Variants in HECW1 observed in about 807,000 individuals in gnomAD.
HECW1 encodes HECT, C2 and WW domain containing E3 ubiquitin protein ligase 1, also known as E3 ubiquitin-protein ligase HECW1.
Under a neutral mutation model 182.3 loss-of-function variants are expected in HECW1, and 61 were observed. The ratio of observed to expected loss-of-function variants is 0.33; its 90% CI spans 0.27 to 0.41. HECW1 has a LOEUF of 0.41. HECW1 is among the 10% of genes least tolerant of loss of function. The pLI, the probability that HECW1 is intolerant of heterozygous loss-of-function variation, is 1.00. For missense variants in HECW1, 1,739 were observed against 2,108.9 expected (o/e 0.82, Z 3.44); for synonymous variants, 859 against 832.6 (o/e 1.03, Z -0.55).
intron 2 of HECW1, among the ~76,000 whole-genome samples, chr7:43,115,164 A>T (rs1251918968): frequency 1.3e-5 from 2 of 152,184 alleles, no homozygotes; most frequent in Non-Finnish European, 2.9e-5. Flanking sequence ...AAGGCAAATA[A>T]TTATAACGTG....
intron 3 of HECW1, among the ~76,000 whole-genome samples, chr7:43,302,276 C>G (rs1806920092): frequency 6.6e-6 from 1 of 152,198 alleles, no homozygotes; most frequent in South Asian, 2.1e-4. Flanking sequence ...AGGCAGCTAA[C>G]TGGCCGCAGG....
chr7:43,314,078 T>C (rs1808883152), intron 4 of HECW1, among the ~76,000 whole-genome samples: 1 of 152,068 alleles, frequency 6.6e-6, no homozygotes, highest in Non-Finnish European at 1.5e-5. Context: ...CCTCCCAAAA[T>C]GCTGAGATTA....
At chr7:43,128,072 GTT>G (rs1311714017) in intron 2 of HECW1, among the ~76,000 whole-genome samples, 1 of 151,652 alleles carries the variant, frequency 6.6e-6, no homozygotes, top group African/African-American at 2.4e-5. Flanking sequence ...TAGAGATGAG[GTT>G]TCACTATGTT....
intron 2 of HECW1, among the ~76,000 whole-genome samples, chr7:43,203,890 A>G (rs1004477872): frequency 4.6e-5 from 7 of 152,234 alleles, no homozygotes; most frequent in Admixed American, 3.9e-4. Context: ...TTAATAGCTG[A>G]CAATTCTTGC....
chr7:43,197,946 G>A (rs750749421), intron 2 of HECW1, among the ~76,000 whole-genome samples: 1 of 152,050 alleles, frequency 6.6e-6, no homozygotes, highest in South Asian at 2.1e-4. Flanking sequence ...TGGCTGCCCC[G>A]TTCAGTCTGA....
chr7:43,224,883 G>T (rs1025496675), intron 2 of HECW1, among the ~76,000 whole-genome samples: 1 of 152,350 alleles, frequency 6.6e-6, no homozygotes, highest in East Asian at 1.9e-4. Flanking sequence ...CAGGAGGGAC[G>T]TGGGTGTAGT....
At position 43,442,019 on chromosome 7, in the gene HECW1, T is replaced by A. The variant is rs192366319; in HGVS notation, c.945-510T>A. On this transcript the variant is annotated intron_variant, in intron 9 of 29. Transcript: ENST00000395891. ...TTTGAATTTTGATCTTTTCCTTGGC[T>A]AGCGATACACAACACGATACTTTCG... Among the ~76,000 whole-genome samples the A allele has an allele frequency of 2.9e-3, 442 of 152,336 alleles. 4 individuals carry two copies. Among genetic ancestry groups the A allele is most frequent in the Middle Eastern group, 6.8e-3 (2 of 294 alleles).
At chr7:43,345,937 T>C (rs1257058157) in intron 5 of HECW1, among the ~76,000 whole-genome samples, 1 of 152,080 alleles carries the variant, frequency 6.6e-6, no homozygotes, top group Non-Finnish European at 1.5e-5. Flanking sequence ...CAATTGTGAA[T>C]TGTGCTGCTA....
At chr7:43,133,310 A>G (rs1787163646) in intron 2 of HECW1, among the ~76,000 whole-genome samples, 1 of 151,940 alleles carries the variant, frequency 6.6e-6, no homozygotes, top group Non-Finnish European at 1.5e-5. Context: ...TGTATTTAAC[A>G]TTTATAAAAT....
chr7:43,548,623 T>C (rs550500583), intron 26 of HECW1, among the ~76,000 whole-genome samples: 8 of 152,324 alleles, frequency 5.3e-5, no homozygotes, highest in Admixed American at 1.3e-4. Context: ...TTGAAATTAA[T>C]AGAAGCTTTT....
intron 3 of HECW1, among the ~76,000 whole-genome samples, chr7:43,298,832 G>A (rs73111028): frequency 1.3e-5 from 2 of 152,108 alleles, no homozygotes; most frequent in African/African-American, 4.8e-5. Flanking sequence ...TCTGTCTGCC[G>A]CCCCCACATC....
intron 8 of HECW1, among the ~76,000 whole-genome samples, chr7:43,410,357 A>C (rs898632317): frequency 7.2e-5 from 11 of 152,194 alleles, no homozygotes; most frequent in African/African-American, 2.7e-4. Flanking sequence ...GAAAGAGAGC[A>C]CACTCTTATA....
At chr7:43,318,434 C>G (rs899309133) in intron 4 of HECW1, among the ~76,000 whole-genome samples, 3 of 152,170 alleles carry the variant, frequency 2.0e-5, no homozygotes, top group Admixed American at 6.5e-5. Flanking sequence ...TGCAAACAAG[C>G]GATTTTCCAA....
rs976805500 is a variant in HECW1, at chr7:43,388,489, G to T, written c.556-8325G>T. 6.6e-5 allele frequency among the ~76,000 whole-genome samples: 10 copies of T among 152,260 alleles called. No individual in the cohort carries two copies. In the East Asian group the frequency reaches 1.9e-3, roughly 29 times the overall value. On this transcript the variant is annotated intron_variant, in intron 6 of 29. Transcript: ENST00000395891. ...AATTTTAATTACAAGACTTATGAGT[G>T]GTGTACTGCATAATGATTATCAAAC...
At chr7:43,453,777 G>A (rs550951848) in intron 12 of HECW1, among the ~76,000 whole-genome samples, 8 of 152,268 alleles carry the variant, frequency 5.3e-5, no homozygotes, top group East Asian at 1.9e-4. Flanking sequence ...CCCCAGAATC[G>A]TGAAGGTACT....
intron 7 of HECW1, among the ~76,000 whole-genome samples, chr7:43,400,427 A>G (rs896585039): frequency 1.3e-5 from 2 of 152,184 alleles, no homozygotes; most frequent in African/African-American, 4.8e-5. Flanking sequence ...CGCCGGGACT[A>G]CATGACATGC....
At chr7:43,442,259 A>G (rs557633291) in intron 9 of HECW1, among the ~76,000 whole-genome samples, 205 of 152,358 alleles carry the variant, frequency 1.3e-3, no homozygotes, top group Non-Finnish European at 2.6e-3. Context: ...GTCTAGGCTA[A>G]GCTATGATGT....
At chr7:43,284,502 C>CAAAA (rs1165081149) in intron 3 of HECW1, among the ~76,000 whole-genome samples, 90 of 53,060 alleles carry the variant, frequency 1.7e-3, no homozygotes, top group African/African-American at 2.5e-3. Context: ...CCCATTTCTA[C>CAAAA]AAAAAAAAAA....
chr7:43,564,672 AAAAC>A lies in HECW1; in HGVS notation c.*2750_*2753del, dbSNP rs1290555290. ...CCTTGCATAGAATCCTTAAGGAAGA[AAAAC>A]AAAGAGAAGAGGAACACAGAAACAA... On this transcript the variant is annotated 3_prime_UTR_variant, in exon 30 of 30. Transcript: ENST00000395891. 5.5e-6 allele frequency: 1 copy of A among 180,852 alleles called. No homozygotes were observed. Among genetic ancestry groups the A allele is most frequent in the Non-Finnish European group, 1.2e-5 (1 of 84,556 alleles). 11.2% of individuals were successfully genotyped at this position (180,852 alleles called of 1,614,324 possible).
Sources: gnomAD v4.1 joint callset for allele counts (sites outside exome capture counted in the v4.1 genomes callset) on GRCh38, gnomAD v4.1.1 for gene constraint, MANE v1.5 for transcripts, NCBI Gene and HGNC (gene_info 2026-07-23, HGNC 2026-07-21) for gene names.